Variants in EYA4 observed in about 807,000 individuals in gnomAD.
EYA4 encodes protein phosphatase EYA4.
A neutral mutation model predicts 87.9 loss-of-function variants in EYA4; 31 were observed. The observed-to-expected ratio is 0.35, with a 90% confidence interval of 0.27 to 0.48. The LOEUF (loss-of-function observed/expected upper bound fraction) is 0.48, where lower values mean the gene tolerates loss of function less well. Ranked by LOEUF, EYA4 falls within the 20% of genes least tolerant of loss-of-function variation. The pLI, the probability that EYA4 is intolerant of heterozygous loss-of-function variation, is 0.99. For synonymous variants in EYA4, 263 were observed against 270.6 expected (o/e 0.97, Z 0.28); for missense variants, 678 against 761.4 (o/e 0.89, Z 1.29).
chr6:133,285,114 A>T (rs1054401519), intron 2 of EYA4, among the ~76,000 whole-genome samples: 3 of 150,198 alleles, frequency 2.0e-5, no homozygotes, highest in Non-Finnish European at 4.4e-5. Context: ...CTCCTGCCTC[A>T]GCCTCCCGAG....
At chr6:133,366,877 C>T (rs979756628) in intron 2 of EYA4, among the ~76,000 whole-genome samples, 1 of 152,152 alleles carries the variant, frequency 6.6e-6, no homozygotes, top group Admixed American at 6.5e-5. Flanking sequence ...TCTTCGTTCT[C>T]TAATGCTTGC....
intron 2 of EYA4, among the ~76,000 whole-genome samples, chr6:133,313,623 T>C (rs960932813): frequency 6.6e-6 from 1 of 152,252 alleles, no homozygotes; most frequent in African/African-American, 2.4e-5. Context: ...GATTCAGTTA[T>C]CTTATTGCTA....
intron 10 of EYA4, among the ~76,000 whole-genome samples, chr6:133,466,085 C>G (rs1794813650): frequency 6.6e-6 from 1 of 152,032 alleles, no homozygotes; most frequent in Non-Finnish European, 1.5e-5. Flanking sequence ...ACGAGTAACT[C>G]ATTGTTCCCT....
At chr6:133,422,759 G>A (rs1272186525) in intron 3 of EYA4, among the ~76,000 whole-genome samples, 1 of 152,138 alleles carries the variant, frequency 6.6e-6, no homozygotes, top group Non-Finnish European at 1.5e-5. Context: ...AACACAATTG[G>A]TAGAATATCC....
At chr6:133,326,755 G>A (rs141058264) in intron 2 of EYA4, among the ~76,000 whole-genome samples, 85 of 152,276 alleles carry the variant, frequency 5.6e-4, no homozygotes, top group African/African-American at 1.9e-3. Flanking sequence ...TCCCTTCACC[G>A]TGACTGAAGT....
intron 13 of EYA4, among the ~76,000 whole-genome samples, chr6:133,489,256 C>T (rs1423682058): frequency 6.6e-6 from 1 of 151,798 alleles, no homozygotes; most frequent in Non-Finnish European, 1.5e-5. Flanking sequence ...CCTACAAGAT[C>T]TAGAAAATAG....
chr6:133,433,317 G>T (rs1169792474), intron 3 of EYA4, among the ~76,000 whole-genome samples: 1 of 152,202 alleles, frequency 6.6e-6, no homozygotes, highest in Non-Finnish European at 1.5e-5. Context: ...GCAAAGACAT[G>T]CATTACACTT....
At chr6:133,278,897 A>G (rs138644699) in intron 2 of EYA4, among the ~76,000 whole-genome samples, 291 of 152,286 alleles carry the variant, frequency 1.9e-3, no homozygotes, top group African/African-American at 6.4e-3. Context: ...TTTTAATGAA[A>G]TGTTCTTGAT....
chr6:133,470,141 T>G (rs1215061398), intron 11 of EYA4, among the ~76,000 whole-genome samples: 75 of 143,566 alleles, frequency 5.2e-4, no homozygotes, highest in South Asian at 1.4e-3. Flanking sequence ...TTGCTTTTGG[T>G]GTTTTGGACA....
intron 11 of EYA4, among the ~76,000 whole-genome samples, chr6:133,473,965 T>C (rs559136835): frequency 6.6e-6 from 1 of 152,166 alleles, no homozygotes; most frequent in South Asian, 2.1e-4. Context: ...AGGATCTTAC[T>C]TTCATTCAAA....
chr6:133,383,274 C>A (rs1786392192), intron 3 of EYA4, among the ~76,000 whole-genome samples: 1 of 151,864 alleles, frequency 6.6e-6, no homozygotes. Context: ...TGTTAATGGC[C>A]AAGGCCAAGG....
At chr6:133,432,542 A>G (rs1562413975) in intron 3 of EYA4, among the ~76,000 whole-genome samples, 1 of 150,952 alleles carries the variant, frequency 6.6e-6, no homozygotes, top group Non-Finnish European at 1.5e-5. Context: ...AAGCTGGGGC[A>G]GTGAGGGAGT....
At chr6:133,350,843 T>C (rs1783586899) in intron 2 of EYA4, among the ~76,000 whole-genome samples, 1 of 152,142 alleles carries the variant, frequency 6.6e-6, no homozygotes. Context: ...TTTCTATACA[T>C]TTCATTTCTT....
At chr6:133,482,610 A>G (rs956099853) in intron 12 of EYA4, among the ~76,000 whole-genome samples, 1 of 152,224 alleles carries the variant, frequency 6.6e-6, no homozygotes, top group Non-Finnish European at 1.5e-5. Flanking sequence ...ATACTTGACA[A>G]TTCTGTTTAG....
At chr6:133,332,241 A>C (rs1390541827) in intron 2 of EYA4, among the ~76,000 whole-genome samples, 1 of 152,206 alleles carries the variant, frequency 6.6e-6, no homozygotes, top group Non-Finnish European at 1.5e-5. Context: ...GTTAGGGCCA[A>C]AGTAACAGGA....
intron 2 of EYA4, among the ~76,000 whole-genome samples, chr6:133,317,865 G>A (rs1038981731): frequency 6.7e-6 from 1 of 149,796 alleles, no homozygotes; most frequent in African/African-American, 2.5e-5. Flanking sequence ...CCGCATCCAG[G>A]CATCCACAGA....
intron 14 of EYA4, among the ~76,000 whole-genome samples, chr6:133,508,470 G>T (rs1228887407): frequency 6.6e-6 from 1 of 151,910 alleles, no homozygotes; most frequent in Non-Finnish European, 1.5e-5. Flanking sequence ...TTGTAAAGAG[G>T]ATCTTAATAT....
chr6:133,248,025 A>G (rs1250251852), intron 1 of EYA4: 3 of 152,202 alleles, frequency 2.0e-5, no homozygotes, highest in East Asian at 1.9e-4. Context: ...TAACTTGAGT[A>G]TCCGTATTAA....
chr6:133,409,933 C>T (rs1436042022), intron 3 of EYA4, among the ~76,000 whole-genome samples: 3 of 152,050 alleles, frequency 2.0e-5, no homozygotes, highest in Non-Finnish European at 2.9e-5. Flanking sequence ...ATATGTTGTA[C>T]ACCTTAAATA....
Sources: gnomAD v4.1 joint callset for allele counts (sites outside exome capture counted in the v4.1 genomes callset) on GRCh38, gnomAD v4.1.1 for gene constraint, MANE v1.5 for transcripts, NCBI Gene and HGNC (gene_info 2026-07-23, HGNC 2026-07-21) for gene names.